HELQ: variants seen among roughly 807,000 people sequenced by gnomAD.
HELQ encodes helicase POLQ-like.
A neutral mutation model predicts 111.6 loss-of-function variants in HELQ; 77 were observed. The ratio of observed to expected loss-of-function variants is 0.69; its 90% CI spans 0.57 to 0.83. HELQ has a LOEUF of 0.83. HELQ is among the 40% of genes least tolerant of loss of function. The pLI, the probability that HELQ is intolerant of heterozygous loss-of-function variation, is 0.00. For missense variants in HELQ, 1,200 were observed against 1,288.5 expected (o/e 0.93, Z 1.05); for synonymous variants, 438 against 454.7 (o/e 0.96, Z 0.47).
At chr4:83,436,808 G>A (rs370906908) in intron 9 of HELQ, 50 bp downstream of exon 9, 376 of 1,559,808 alleles carry the variant, frequency 2.4e-4, no homozygotes, top group Non-Finnish European at 3.0e-4. Context: ...CTCCTCGCAA[G>A]CTAGAAATGG....
chr4:83,427,473 G>A, intron 13 of HELQ, 90 bp downstream of exon 13: 1 of 1,106,216 alleles, frequency 9.0e-7, no homozygotes, highest in East Asian at 2.7e-5. Context: ...TGGGCAACAT[G>A]GCAAAGCCTC....
chr4:83,421,097 C>A (rs1292971648), intron 15 of HELQ, among the ~76,000 whole-genome samples: 1 of 152,158 alleles, frequency 6.6e-6, no homozygotes, highest in Non-Finnish European at 1.5e-5. Context: ...AGGCGGGAGC[C>A]ATGGCATCCA....
Position 83,455,678 on chromosome 4 carries a change from A to T in HELQ, c.16T>A (p.Ser6Thr). 1 of 1,608,512 alleles carries T rather than the reference A, an allele frequency of 6.2e-7. No individual in the cohort carries two copies. The highest frequency in any genetic ancestry group is 8.5e-7 in the Non-Finnish European group (1 of 1,179,870). MDECG[S>T]RIRRRVSLPK... The stretch of plus-strand genomic sequence containing the variant: ...AGAGACACCCGCCGGCGGATGCGGG[A>T]ACCACATTCATCCATGGCAAGGACC... Residue 6 changes from serine (S) to threonine (T), a missense_variant, in exon 1 of 18, where the codon TCC becomes ACC. Physicochemically the swap from Ser to Thr is moderately conservative, Grantham distance 58 (BLOSUM62 1). Coordinates refer to ENST00000295488, the MANE Select transcript of HELQ (RefSeq NM_133636.5).
At chr4:83,414,858 T>C (rs1211721151) in intron 17 of HELQ, among the ~76,000 whole-genome samples, 1 of 151,946 alleles carries the variant, frequency 6.6e-6, no homozygotes, top group African/African-American at 2.4e-5. Flanking sequence ...TTTTTTTAGG[T>C]GCTATAGCAA....
intron 9 of HELQ, 111 bp from the exon 10 acceptor site, chr4:83,432,378 T>C (rs1351266528): frequency 4.4e-6 from 3 of 674,308 alleles, no homozygotes; most frequent in African/African-American, 1.9e-5. Context: ...TAACACAAAA[T>C]AATAGGTAAC....
Position 83,439,802 on chromosome 4 carries a change from AATAC to A in HELQ, c.1808+57_1808+60del, listed in dbSNP as rs66879920. On this transcript the variant is annotated intron_variant, in intron 8 of 17. Transcript: ENST00000295488. ...TAATTAGTGTTTGCCCAATAAAATT[AATAC>A]ATAGTCTGTAATTCCTAATAAAAAT... 1.7e-3 allele frequency: 1,929 copies of A among 1,123,432 alleles called. 12 individuals are homozygous for A. The highest frequency in any genetic ancestry group is 9.0e-3 in the South Asian group (640 of 71,122). The allele number at this position is 1,123,432 out of a possible 1,614,324, so 69.6% of individuals were successfully genotyped here. A position where few individuals can be genotyped will look rare whatever the true frequency, so the allele number is the denominator to read the frequency against.
At chr4:83,432,070 TA>T in intron 10 of HELQ, 55 bp downstream of exon 10, 10 of 1,192,380 alleles carry the variant, frequency 8.4e-6, no homozygotes, top group Non-Finnish European at 1.2e-5. Context: ...ATAAAAGGGC[TA>T]GACCAACAAC....
chr4:83,452,004 G>A (rs890238227), intron 2 of HELQ, among the ~76,000 whole-genome samples: 1 of 152,194 alleles, frequency 6.6e-6, no homozygotes, highest in Non-Finnish European at 1.5e-5. Context: ...GAAGTGGAAG[G>A]TTGATGGGGC....
chr4:83,409,014 A>G lies in HELQ; in HGVS notation c.3199-1454T>C, dbSNP rs1012950684. On this transcript the variant is annotated intron_variant, in intron 17 of 17. Coordinates refer to ENST00000295488, the MANE Select transcript of HELQ (RefSeq NM_133636.5). ...GGAGGTGCCTTTTGGAAGCTCAGCC[A>G]TGAGAGGAAGAGGAAAAAAGGACAA... 3.0e-4 allele frequency among the ~76,000 whole-genome samples: 45 copies of G among 152,192 alleles called. 1 individual carries two copies. Among genetic ancestry groups the G allele is most frequent in the African/African-American group, 9.9e-4 (41 of 41,438 alleles).
rs997555741 is a variant in HELQ at position 83,418,153 on chromosome 4, C to T, written c.3003G>A (p.Lys1001=). 6 of 1,610,290 alleles carry T rather than the reference C, an allele frequency of 3.7e-6. No individual in the cohort carries two copies. The South Asian group carries it at 5.6e-5, about 15-fold the overall frequency. The change falls in exon 16 of 18, where the codon AAG becomes AAA. Residue 1001 remains lysine (K), a synonymous_variant. Coordinates refer to ENST00000295488, the MANE Select transcript of HELQ (RefSeq NM_133636.5). ...ATTCTGCCTTTACACAGTAAGTCAG[C>T]TTCTTGGTAAGTTCTACCAAAAGGG... ...YRALLVELTK[K]LTYCVKAELI...
chr4:83,421,450 G>A, intron 15 of HELQ, 113 bp downstream of exon 15: 2 of 739,172 alleles, frequency 2.7e-6, no homozygotes, highest in Non-Finnish European at 4.4e-6. Context: ...TGTAATAACA[G>A]AATATGTCAA....
intron 4 of HELQ, 51 bp downstream of exon 4, chr4:83,446,780 TAATA>T (rs1721072398): frequency 9.4e-7 from 1 of 1,064,546 alleles, no homozygotes; most frequent in Non-Finnish European, 1.4e-6. Context: ...ATAACCAGAA[TAATA>T]AATATTTAGT....
intron 2 of HELQ, among the ~76,000 whole-genome samples, chr4:83,452,786 G>A (rs1044378200): frequency 1.3e-5 from 2 of 152,158 alleles, no homozygotes; most frequent in Non-Finnish European, 2.9e-5. Flanking sequence ...GTGTTTAGAC[G>A]TCTCAGTCAT....
At chr4:83,443,134 A>G (rs573943373) in intron 6 of HELQ, among the ~76,000 whole-genome samples, 129 of 152,130 alleles carry the variant, frequency 8.5e-4, no homozygotes, top group African/African-American at 2.8e-3. Flanking sequence ...ATTTAAAAAT[A>G]TTTTAAATTT....
chr4:83,441,694 A>T (rs1720764283), intron 6 of HELQ, among the ~76,000 whole-genome samples: 2 of 152,150 alleles, frequency 1.3e-5, no homozygotes, highest in African/African-American at 4.8e-5. Context: ...TATTTGTCAC[A>T]AAAAGTGTGA....
intron 5 of HELQ, among the ~76,000 whole-genome samples, chr4:83,444,921 T>G (rs1484080807): frequency 6.6e-6 from 1 of 152,184 alleles, no homozygotes; most frequent in East Asian, 1.9e-4. Flanking sequence ...TAAAGAAAGA[T>G]GGATTTGGTG....
chr4:83,408,253 C>T (rs1490277582), intron 17 of HELQ, among the ~76,000 whole-genome samples: 1 of 152,018 alleles, frequency 6.6e-6, no homozygotes, highest in Non-Finnish European at 1.5e-5. Context: ...TCCCCCCCAC[C>T]CGCCTTTTTT....
chr4:83,420,543 G>A (rs547115670), intron 15 of HELQ, among the ~76,000 whole-genome samples: 28 of 149,724 alleles, frequency 1.9e-4, no homozygotes, highest in African/African-American at 6.6e-4. Flanking sequence ...CCAACACTTT[G>A]CGAAGCCCAG....
intron 8 of HELQ, among the ~76,000 whole-genome samples, chr4:83,438,910 G>A (rs963257909): frequency 1.3e-5 from 2 of 151,954 alleles, no homozygotes; most frequent in Non-Finnish European, 2.9e-5. Context: ...ATGATATCTG[G>A]GTGTCACTCC....
Sources: allele counts gnomAD v4.1 joint callset (sites outside exome capture counted in the v4.1 genomes callset), GRCh38; gene constraint gnomAD v4.1.1; transcripts MANE v1.5; gene names NCBI Gene and HGNC (gene_info 2026-07-23, HGNC 2026-07-21).